LONP1: variants seen among roughly 807,000 people sequenced by gnomAD.
LONP1 encodes lon peptidase 1, mitochondrial.
Under a neutral mutation model 98.5 loss-of-function variants are expected in LONP1, and 31 were observed. That is an observed-to-expected ratio of 0.31 (90% CI 0.24 to 0.42). LONP1 has a LOEUF of 0.42. LONP1 is among the 20% of genes least tolerant of loss of function. The probability of loss-of-function intolerance (pLI) is 1.00; values close to 1 mark genes in which losing one functional copy is unlikely to be tolerated. For missense variants in LONP1, 1,336 were observed against 1,350.6 expected, an observed-to-expected ratio of 0.99 and a Z score of 0.17; for synonymous variants, 781 against 594.7, an observed-to-expected ratio of 1.31 and a Z score of -4.56.
chr19:5,708,637 C>T, intron 4 of LONP1: 1 of 536,718 alleles, frequency 1.9e-6, no homozygotes, highest in Non-Finnish European at 3.4e-6. Context: ...ACCCTGTCTC[C>T]TTACCCCTCA....
chr19:5,709,675 T>C (rs962514711), intron 4 of LONP1, among the ~76,000 whole-genome samples: 5 of 151,698 alleles, frequency 3.3e-5, no homozygotes, highest in Non-Finnish European at 7.4e-5. Flanking sequence ...TTTGGGATGC[T>C]AAGGCGGGCG....
At chr19:5,711,517 T>C (rs1599475493) in intron 4 of LONP1, among the ~76,000 whole-genome samples, 1 of 152,224 alleles carries the variant, frequency 6.6e-6, no homozygotes, top group Non-Finnish European at 1.5e-5. Flanking sequence ...TGGACCTGGG[T>C]TCCAACCCTG....
chr19:5,695,097 C>T (rs1278932303), intron 13 of LONP1, among the ~76,000 whole-genome samples, 196 bp from the exon 14 acceptor site: 6 of 152,130 alleles, frequency 3.9e-5, no homozygotes, highest in Middle Eastern at 3.4e-3. Flanking sequence ...GCTTGTGCTG[C>T]GTCCTCTGCT....
intron 17 of LONP1, 109 bp from the exon 18 acceptor site, chr19:5,692,317 C>T: frequency 8.8e-7 from 1 of 1,137,696 alleles, no homozygotes; most frequent in Non-Finnish European, 1.2e-6. Context: ...CACAGTGATG[C>T]CGGGTTCTAA....
At chr19:5,709,109 G>T (rs1379668908) in intron 4 of LONP1, among the ~76,000 whole-genome samples, 1 of 151,918 alleles carries the variant, frequency 6.6e-6, no homozygotes, top group East Asian at 1.9e-4. Context: ...TGAATTCTTG[G>T]GCTCAAGCGA....
chr19:5,701,479 C>A (rs958455092), intron 8 of LONP1, among the ~76,000 whole-genome samples: 11 of 152,184 alleles, frequency 7.2e-5, no homozygotes, highest in Non-Finnish European at 1.3e-4. Flanking sequence ...TGCAGGCGCG[C>A]GCCGCCACGC....
intron 8 of LONP1, among the ~76,000 whole-genome samples, chr19:5,702,268 C>T (rs1302411427): frequency 7.0e-6 from 1 of 142,954 alleles, no homozygotes; most frequent in Admixed American, 7.0e-5. Context: ...GGGGGTCAGC[C>T]CCCCACCAGG....
rs200303306 is a variant in LONP1 at position 5,713,088 on chromosome 19, G to A, written c.638+46C>T. 9.9e-3 allele frequency: 16,039 copies of A among 1,612,522 alleles called. 101 individuals are homozygous for A. Among genetic ancestry groups the A allele is most frequent in the Non-Finnish European group, 0.012 (14,215 of 1,179,172 alleles). On this transcript the variant is annotated intron_variant, in intron 3 of 17. Transcript: ENST00000360614. ...TAAGGCATCCTGGCTGGTCTCCCGC[G>A]TGGTACTCTGCCCCCACCTCCCACT... is the stretch of plus-strand genomic sequence containing the variant.
Position 5,707,910 on chromosome 19 carries a change from G to A in LONP1, c.933-84C>T, listed in dbSNP as rs563179561. 1.4e-4 allele frequency: 216 copies of A among 1,529,206 alleles called. No individual in the cohort carries two copies. The African/African-American group carries it at 2.3e-3, about 17-fold the overall frequency. 94.7% of individuals were successfully genotyped at this position (1,529,206 alleles called of 1,614,324 possible). A position where few individuals can be genotyped will look rare whatever the true frequency, so the allele number is the denominator to read the frequency against. ...CCCCCAAACGGGGACCCGGTCCTCA[G>A]GGTCCCTGTCCCCTGTAGCTATGGG... On this transcript the variant is annotated intron_variant, in intron 5 of 17. Transcript: ENST00000360614.
At chr19:5,700,354 C>A (rs1214335173) in intron 9 of LONP1, among the ~76,000 whole-genome samples, 1 of 152,202 alleles carries the variant, frequency 6.6e-6, no homozygotes, top group African/African-American at 2.4e-5. Flanking sequence ...CTCAGGTGAT[C>A]TGCATGCCTC....
intron 1 of LONP1, among the ~76,000 whole-genome samples, chr19:5,715,503 G>A (rs558032426): frequency 9.3e-5 from 14 of 150,532 alleles, no homozygotes; most frequent in African/African-American, 2.9e-4. Context: ...TTAGCCGGGC[G>A]TGGTGGCGGG....
chr19:5,720,345 T>C, upstream of LONP1: 2 of 727,200 alleles, frequency 2.8e-6, no homozygotes, highest in South Asian at 4.6e-5. Context: ...CTGAAGGCCT[T>C]TTCCGGTCAC....
Position 5,691,990 on chromosome 19 carries a change from G to C in LONP1, c.*42C>G, listed in dbSNP as rs2145572670. ...CCCCACAGCGCTCAGTTCTGGCCCA[G>C]ACAGGGCCTGACATCCGCCGCCTGC... On this transcript the variant is annotated 3_prime_UTR_variant, in exon 18 of 18. Transcript: ENST00000360614. 6.3e-7 allele frequency: 1 copy of C among 1,588,802 alleles called. No individual in the cohort carries two copies. Among genetic ancestry groups the C allele is most frequent in the Non-Finnish European group, 8.6e-7 (1 of 1,166,596 alleles).
chr19:5,719,747 A>G lies in LONP1; in HGVS notation c.386T>C (p.Ile129Thr). Residue 129 changes from isoleucine to threonine, a missense_variant, in exon 1 of 18, where the codon ATC becomes ACC. Ile to Thr is a moderately conservative substitution (Grantham distance 89). This residue lies in a region of LONP1 where 457 missense variants were observed against 403.1 expected (regional missense o/e 1.13). Transcript: ENST00000360614. ...GCGCGGGAACACCGGGTTGCGGGTG[A>G]TGGCGATGAGCGGCAGGTGCGGAAA... is the stretch of plus-strand genomic sequence containing the variant. ...DVFPHLPLIA[I>T]TRNPVFPRFI... 1 of 1,613,796 alleles carries G rather than the reference A, an allele frequency of 6.2e-7. No homozygotes were observed. The highest frequency in any genetic ancestry group is 8.5e-7 in the Non-Finnish European group (1 of 1,180,006).
chr19:5,695,399 G>A (rs1312598675), intron 13 of LONP1, among the ~76,000 whole-genome samples: 2 of 152,014 alleles, frequency 1.3e-5, no homozygotes, highest in South Asian at 2.1e-4. Context: ...ACTGATACTG[G>A]GGGGCACTCC....
chr19:5,707,861 G>C, intron 5 of LONP1, 35 bp from the exon 6 acceptor site: 1 of 1,609,484 alleles, frequency 6.2e-7, no homozygotes, highest in East Asian at 2.2e-5. Context: ...GGTGGCCAGG[G>C]CCTCACGCTC....
chr19:5,695,019 C>T, intron 13 of LONP1, 118 bp from the exon 14 acceptor site: 1 of 1,248,002 alleles, frequency 8.0e-7, no homozygotes, highest in Non-Finnish European at 1.1e-6. Context: ...AACGAGGTCC[C>T]TGATGGTGAA....
At chr19:5,695,379 T>TACATCTGCCACTGATACTG (rs1201959697) in intron 13 of LONP1, among the ~76,000 whole-genome samples, 1 of 152,160 alleles carries the variant, frequency 6.6e-6, no homozygotes, top group African/African-American at 2.4e-5. Context: ...CAAGCCACTC[T>TACATCTGCCACTGATACTG]ACATCTGCCA....
At chr19:5,696,408 G>A (rs1353857505) in intron 11 of LONP1, 37 bp from the exon 12 acceptor site, 1 of 1,604,114 alleles carries the variant, frequency 6.2e-7, no homozygotes, top group South Asian at 1.1e-5. Flanking sequence ...CCCTCGCCGT[G>A]CCCCTGGCCA....
Sources: gnomAD v4.1 joint callset for allele counts (sites outside exome capture counted in the v4.1 genomes callset) on GRCh38, gnomAD v4.1.1 for gene constraint, gnomAD v4.1.1 regional missense constraint, MANE v1.5 for transcripts, NCBI Gene and HGNC (gene_info 2026-07-23, HGNC 2026-07-21) for gene names.